NKAIN3: variants seen among roughly 807,000 people sequenced by gnomAD.
The protein encoded by NKAIN3 is sodium/potassium transporting ATPase interacting 3.
NKAIN3 carries 25 observed loss-of-function variants against 30.2 expected under a neutral mutation model. The observed-to-expected ratio is 0.83, with a 90% CI of 0.60 to 1.16. NKAIN3 has a LOEUF of 1.16. Ranked by LOEUF, NKAIN3 falls within the 50% of genes most tolerant of loss-of-function variation. The pLI is 0.00. For missense variants in NKAIN3, 225 were observed against 254.1 expected, an observed-to-expected ratio of 0.89 and a Z score of 0.78; for synonymous variants, 91 against 89.6, an observed-to-expected ratio of 1.02 and a Z score of -0.09.
intron 1 of NKAIN3, among the ~76,000 whole-genome samples, chr8:62,348,827 A>G (rs1816092048): frequency 6.6e-6 from 1 of 152,188 alleles, no homozygotes; most frequent in Non-Finnish European, 1.5e-5. Flanking sequence ...AAATAATATC[A>G]TTTACACATT....
chr8:62,469,122 A>G (rs1004841419), intron 1 of NKAIN3, among the ~76,000 whole-genome samples: 3 of 152,014 alleles, frequency 2.0e-5, no homozygotes, highest in Non-Finnish European at 4.4e-5. Flanking sequence ...GAGACTTCAC[A>G]CCTCCGAGCC....
rs1401193779 is a variant in NKAIN3 at position 62,980,969 on chromosome 8, C to T, written c.*15562C>T. The T allele has an allele frequency of 6.6e-6, 1 of 152,164 alleles. No homozygotes were observed. Among genetic ancestry groups the T allele is most frequent in the Non-Finnish European group, 1.5e-5 (1 of 68,026 alleles). 9.4% of individuals were successfully genotyped at this position (152,164 alleles called of 1,614,324 possible). On this transcript the variant is annotated 3_prime_UTR_variant, in exon 7 of 7. Coordinates refer to ENST00000623646, the MANE Select transcript of NKAIN3 (RefSeq NM_001304533.3). ...ACCCAGAAGTCAAAATCACCTGGCC[C>T]TCTGTAAATTTCTCTTTGTGTTCCT...
intron 1 of NKAIN3, among the ~76,000 whole-genome samples, chr8:62,433,708 T>A (rs142144082): frequency 1.3e-5 from 2 of 152,180 alleles, no homozygotes; most frequent in African/African-American, 4.8e-5. Flanking sequence ...CGCAATTAAT[T>A]TGCACCAACC....
At chr8:62,863,688 A>G (rs990026869) in intron 4 of NKAIN3, 6 of 1,443,344 alleles carry the variant, frequency 4.2e-6, no homozygotes, top group African/African-American at 1.4e-5. Flanking sequence ...ATTTCATCCA[A>G]GGCTGTGTCT....
At chr8:62,264,450 A>T (rs975389581) in intron 1 of NKAIN3, among the ~76,000 whole-genome samples, 1 of 152,222 alleles carries the variant, frequency 6.6e-6, no homozygotes, top group Non-Finnish European at 1.5e-5. Flanking sequence ...AAGAATAACA[A>T]GGTAACGATA....
intron 4 of NKAIN3, among the ~76,000 whole-genome samples, chr8:62,751,582 G>A (rs1816284751): frequency 6.6e-6 from 1 of 151,862 alleles, no homozygotes; most frequent in Admixed American, 6.6e-5. Context: ...TATGTATTTT[G>A]TAACTATTTC....
At chr8:62,352,784 T>A (rs73684968) in intron 1 of NKAIN3, among the ~76,000 whole-genome samples, 6,164 of 152,256 alleles carry the variant, frequency 0.04, 436 homozygotes, top group African/African-American at 0.14. Flanking sequence ...TCCCGTCTTC[T>A]CGGCAAATTC....
intron 4 of NKAIN3, among the ~76,000 whole-genome samples, chr8:62,768,789 T>G (rs1816927605): frequency 6.6e-6 from 1 of 152,198 alleles, no homozygotes; most frequent in African/African-American, 2.4e-5. Flanking sequence ...CCTTCTTAAA[T>G]TTAACAATCC....
chr8:62,887,542 C>T (rs1374583161), intron 4 of NKAIN3, among the ~76,000 whole-genome samples: 2 of 151,996 alleles, frequency 1.3e-5, no homozygotes, highest in African/African-American at 4.8e-5. Flanking sequence ...TTTAAATAAC[C>T]TGTTCTTGTT....
At chr8:62,958,649 T>C (rs948018743) in intron 6 of NKAIN3, among the ~76,000 whole-genome samples, 2 of 151,974 alleles carry the variant, frequency 1.3e-5, no homozygotes, top group African/African-American at 4.8e-5. Flanking sequence ...GGAAGAAAAA[T>C]AGCATGGCAT....
rs1161410300 is a variant in NKAIN3, at chr8:62,968,094, C to A, written c.*2687C>A. Among the ~76,000 whole-genome samples, 2 of 152,170 alleles carry A rather than the reference C, an allele frequency of 1.3e-5. No individual in the cohort carries two copies. Among genetic ancestry groups the A allele is most frequent in the Admixed American group, 6.6e-5 (1 of 15,266 alleles). On this transcript the variant is annotated 3_prime_UTR_variant, in exon 7 of 7. Coordinates refer to ENST00000623646, the MANE Select transcript of NKAIN3 (RefSeq NM_001304533.3). ...AACCTCAGCAATCCATAAAGATTGT[C>A]CTAACATTCTGGATATTTGCCACTC...
intron 1 of NKAIN3, among the ~76,000 whole-genome samples, chr8:62,502,138 T>G (rs982619188): frequency 6.6e-6 from 1 of 152,118 alleles, no homozygotes; most frequent in Non-Finnish European, 1.5e-5. Context: ...AAGAAAAGTC[T>G]CTTTCTCATA....
At chr8:62,569,761 G>A (rs941004557) in intron 1 of NKAIN3, among the ~76,000 whole-genome samples, 2 of 150,888 alleles carry the variant, frequency 1.3e-5, no homozygotes, top group African/African-American at 4.9e-5. Flanking sequence ...GGGCAGTAGA[G>A]TGAGACTGTC....
chr8:62,320,338 G>T (rs1814830592), intron 1 of NKAIN3, among the ~76,000 whole-genome samples: 2 of 152,174 alleles, frequency 1.3e-5, no homozygotes, highest in Admixed American at 1.3e-4. Flanking sequence ...TTACATTTAA[G>T]GATAATATTG....
intron 3 of NKAIN3, among the ~76,000 whole-genome samples, chr8:62,591,091 A>G (rs2130109606): frequency 1.3e-5 from 2 of 152,094 alleles, no homozygotes; most frequent in Admixed American, 1.3e-4. Flanking sequence ...TATATTAAGC[A>G]CAACATTTTC....
chr8:62,787,190 G>A (rs530651678), intron 4 of NKAIN3, among the ~76,000 whole-genome samples: 72 of 152,130 alleles, frequency 4.7e-4, no homozygotes, highest in Non-Finnish European at 9.8e-4. Context: ...CATTCCTCAA[G>A]CAATAAATAT....
intron 3 of NKAIN3, among the ~76,000 whole-genome samples, chr8:62,677,894 C>A (rs1206276076): frequency 2.6e-5 from 4 of 152,168 alleles, no homozygotes; most frequent in Admixed American, 2.6e-4. Context: ...GTCCCCCTAT[C>A]CCCTGGTCTA....
At chr8:62,531,418 A>T (rs558090830) in intron 1 of NKAIN3, among the ~76,000 whole-genome samples, 1 of 152,296 alleles carries the variant, frequency 6.6e-6, no homozygotes, top group Non-Finnish European at 1.5e-5. Context: ...ATATTTCCTT[A>T]GCCATTCCCT....
At chr8:62,486,012 T>G (rs537879141) in intron 1 of NKAIN3, among the ~76,000 whole-genome samples, 1 of 152,180 alleles carries the variant, frequency 6.6e-6, no homozygotes, top group African/African-American at 2.4e-5. Flanking sequence ...AGAGTGTCAG[T>G]TTAGGAATAA....
Sources: allele counts gnomAD v4.1 joint callset (sites outside exome capture counted in the v4.1 genomes callset), GRCh38; gene constraint gnomAD v4.1.1; transcripts MANE v1.5; gene names NCBI Gene and HGNC (gene_info 2026-07-23, HGNC 2026-07-21).